The following VAV3 variants were observed in gnomAD, a reference collection of about 807,000 sequenced individuals.
VAV3 encodes the protein vav guanine nucleotide exchange factor 3.
In VAV3, 94 loss-of-function variants were observed where a neutral mutation model predicts 131.2. The ratio of observed to expected loss-of-function variants is 0.72; its 90% CI spans 0.61 to 0.85. The LOEUF is 0.85. Among genes scored for constraint, VAV3 ranks in the 40% least tolerant of loss-of-function variants. The pLI, the probability that VAV3 is intolerant of heterozygous loss-of-function variation, is 0.00. For missense variants in VAV3, 939 were observed against 1,002.7 expected, an observed-to-expected ratio of 0.94 and a Z score of 0.86; for synonymous variants, 349 against 342.0, an observed-to-expected ratio of 1.02 and a Z score of -0.22.
Position 107,730,834 on chromosome 1 carries a change from G to T in VAV3, c.1502+18134C>A, listed in dbSNP as rs143916104. Among the ~76,000 whole-genome samples the T allele has an allele frequency of 4.2e-3, 636 of 152,214 alleles. 4 individuals are homozygous for T. The highest frequency in any genetic ancestry group is 0.015 in the African/African-American group (609 of 41,536). On this transcript the variant is annotated intron_variant, in intron 15 of 26. Coordinates refer to ENST00000370056, the MANE Select transcript of VAV3 (RefSeq NM_006113.5). The stretch of plus-strand genomic sequence containing the variant: ...ACTGAAAAGGAAACTTTCATCTTTA[G>T]AAAACAACAGTAGGTGTTCTTGCTA...
At chr1:107,770,413 GTTGTA>G (rs1396565967) in intron 6 of VAV3, among the ~76,000 whole-genome samples, 1 of 152,072 alleles carries the variant, frequency 6.6e-6, no homozygotes, top group Non-Finnish European at 1.5e-5. Flanking sequence ...TCAGAATACT[GTTGTA>G]TTTATTACTA....
At chr1:107,805,255 C>T (rs982705187) in intron 2 of VAV3, among the ~76,000 whole-genome samples, 1 of 152,110 alleles carries the variant, frequency 6.6e-6, no homozygotes, top group African/African-American at 2.4e-5. Context: ...TTCTACTCCT[C>T]GCTCTTCTTC....
At position 107,588,852 on chromosome 1, in the gene VAV3, G is replaced by A. The variant is rs539746662; in HGVS notation, c.2350+7360C>T. ...AATTATTGAATTTCAGAATTCTTAG[G>A]TTCTCTTATTCCATATAAAATATTT... On this transcript the variant is annotated intron_variant, in intron 25 of 26. Coordinates refer to ENST00000370056, the MANE Select transcript of VAV3 (RefSeq NM_006113.5). 7.9e-5 allele frequency among the ~76,000 whole-genome samples: 12 copies of A among 152,208 alleles called. No homozygotes were observed. The South Asian group carries it at 2.5e-3, about 32-fold the overall frequency.
At chr1:107,943,911 C>A in intron 1 of VAV3, among the ~76,000 whole-genome samples, 1 of 152,186 alleles carries the variant, frequency 6.6e-6, no homozygotes, top group Non-Finnish European at 1.5e-5. Context: ...GCTGTGCCCA[C>A]AAAACCCAAA....
Position 107,688,375 on chromosome 1 carries a change from T to A in VAV3, c.1731+6A>T. ...TTATAAAAAATATTTAAAATGTTAA[T>A]CTTACCTCTGGTAGTTTGAGTGTCC... On this transcript the variant is annotated splice_donor_region_variant and intron_variant, in intron 18 of 26. Coordinates refer to ENST00000370056, the MANE Select transcript of VAV3 (RefSeq NM_006113.5). 6.2e-7 allele frequency: 1 copy of A among 1,612,646 alleles called. No homozygotes were observed. Among genetic ancestry groups the A allele is most frequent in the South Asian group, 1.1e-5 (1 of 90,894 alleles).
intron 2 of VAV3, among the ~76,000 whole-genome samples, chr1:107,785,927 G>A (rs568658188): frequency 5.9e-5 from 9 of 152,178 alleles, no homozygotes; most frequent in East Asian, 1.9e-4. Context: ...AATTTTCTTC[G>A]AAACTCTAAT....
At chr1:107,922,872 A>T in intron 1 of VAV3, among the ~76,000 whole-genome samples, 1 of 151,832 alleles carries the variant, frequency 6.6e-6, no homozygotes. Flanking sequence ...GAATGGCGTG[A>T]ACCCGGGAGG....
intron 19 of VAV3, chr1:107,677,861 G>C (rs1658318637): frequency 6.6e-6 from 1 of 152,116 alleles, no homozygotes; most frequent in African/African-American, 2.4e-5. Flanking sequence ...ATAAAAGACA[G>C]GCTTGGCAAG....
At chr1:107,889,124 C>CAGAGTG (rs1245439869) in intron 1 of VAV3, among the ~76,000 whole-genome samples, 1 of 91,992 alleles carries the variant, frequency 1.1e-5, no homozygotes, top group Non-Finnish European at 2.2e-5. Flanking sequence ...CCAAGTTCTC[C>CAGAGTG]TGTGTAGAGT....
At chr1:107,943,988 C>T (rs562773049) in intron 1 of VAV3, among the ~76,000 whole-genome samples, 3 of 152,334 alleles carry the variant, frequency 2.0e-5, no homozygotes, top group African/African-American at 7.2e-5. Context: ...CTTGCTAAGG[C>T]CTAAACACCC....
chr1:107,855,058 A>C (rs1669406848), intron 2 of VAV3, among the ~76,000 whole-genome samples: 1 of 152,104 alleles, frequency 6.6e-6, no homozygotes, highest in Non-Finnish European at 1.5e-5. Flanking sequence ...TAGCACATCG[A>C]ATGTTTTTAT....
chr1:107,663,224 C>T lies in VAV3; in HGVS notation c.1777+20264G>A, dbSNP rs576563594. ...AACTTAAAAATATACTTTCCCTTTGCAGATATTCAAATGGAATTCTAAGAT... is the reference window on the plus strand; with the variant it reads ...AACTTAAAAATATACTTTCCCTTTGTAGATATTCAAATGGAATTCTAAGAT... On this transcript the variant is annotated intron_variant, in intron 19 of 26. Transcript: ENST00000370056. 2.0e-5 allele frequency among the ~76,000 whole-genome samples: 3 copies of T among 152,188 alleles called. No individual in the cohort carries two copies. The South Asian group carries it at 6.2e-4, about 32-fold the overall frequency.
At chr1:107,684,130 G>T (rs1570748976) in intron 18 of VAV3, among the ~76,000 whole-genome samples, 1 of 152,178 alleles carries the variant, frequency 6.6e-6, no homozygotes, top group African/African-American at 2.4e-5. Flanking sequence ...TATAGAAAAT[G>T]AATCTGTAAG....
At chr1:107,655,094 T>C (rs1298318497) in intron 19 of VAV3, among the ~76,000 whole-genome samples, 1 of 152,068 alleles carries the variant, frequency 6.6e-6, no homozygotes, top group African/African-American at 2.4e-5. Flanking sequence ...CCAGTGACAC[T>C]TAGCACAAAG....
In VAV3 at chr1:107,616,376, A is replaced by G. The variant is rs115534157; in HGVS notation, c.1980+1191T>C. On this transcript the variant is annotated intron_variant, in intron 21 of 26. Coordinates refer to ENST00000370056, the MANE Select transcript of VAV3 (RefSeq NM_006113.5). ...AACAATGTTCTCATTTATAAGTGAAAGTTAAAATTGAGTATACATGGACAT... is the reference window on the plus strand; with the variant it reads ...AACAATGTTCTCATTTATAAGTGAAGGTTAAAATTGAGTATACATGGACAT... Among the ~76,000 whole-genome samples the G allele has an allele frequency of 4.5e-3, 691 of 152,264 alleles. 7 individuals are homozygous for G. The highest frequency in any genetic ancestry group is 0.015 in the African/African-American group (643 of 41,552).
intron 1 of VAV3, among the ~76,000 whole-genome samples, chr1:107,934,840 A>G (rs1673629181): frequency 6.6e-6 from 1 of 152,274 alleles, no homozygotes; most frequent in Non-Finnish European, 1.5e-5. Context: ...AGAAAAGCAC[A>G]TGCTAAACAA....
At chr1:107,740,280 CCATCT>C (rs1662932579) in intron 15 of VAV3, among the ~76,000 whole-genome samples, 1 of 143,324 alleles carries the variant, frequency 7.0e-6, no homozygotes, top group Non-Finnish European at 1.5e-5. Flanking sequence ...GAGCAAGACT[CCATCT>C]CAAAAAAAAA....
At chr1:107,906,168 T>A (rs761741021) in intron 1 of VAV3, among the ~76,000 whole-genome samples, 2 of 152,196 alleles carry the variant, frequency 1.3e-5, no homozygotes, top group Non-Finnish European at 2.9e-5. Context: ...CTTCCAGCAT[T>A]CCCTGTTTAT....
chr1:107,889,687 G>A (rs1295643310), intron 1 of VAV3, among the ~76,000 whole-genome samples: 1 of 152,178 alleles, frequency 6.6e-6, no homozygotes, highest in African/African-American at 2.4e-5. Context: ...AATAACTACT[G>A]AAGAAATAGC....
Sources: allele counts gnomAD v4.1 joint callset (sites outside exome capture counted in the v4.1 genomes callset), GRCh38; gene constraint gnomAD v4.1.1; transcripts MANE v1.5; gene names NCBI Gene and HGNC (gene_info 2026-07-23, HGNC 2026-07-21).